The following BEND4 variants were observed in gnomAD, a reference collection of about 807,000 sequenced individuals.
BEND4 encodes the protein BEN domain-containing protein 4.
In BEND4, 27 loss-of-function variants were observed where a neutral mutation model predicts 54.7. The observed-to-expected ratio is 0.49, with a 90% CI of 0.36 to 0.68. The LOEUF (loss-of-function observed/expected upper bound fraction) is 0.68. Among genes scored for constraint, BEND4 ranks in the 30% least tolerant of loss-of-function variants. The pLI, the probability that BEND4 is intolerant of heterozygous loss-of-function variation, is 0.00. For missense variants in BEND4, 702 were observed against 697.2 expected (o/e 1.01, Z -0.08); for synonymous variants, 327 against 299.5 (o/e 1.09, Z -0.95).
At chr4:42,141,648 G>A (rs1005735137) in intron 3 of BEND4, among the ~76,000 whole-genome samples, 2 of 152,192 alleles carry the variant, frequency 1.3e-5, no homozygotes, top group African/African-American at 4.8e-5. Flanking sequence ...GGCTGAGGCA[G>A]GAGAATCGCT....
intron 3 of BEND4, among the ~76,000 whole-genome samples, chr4:42,140,236 T>A (rs958057562): frequency 6.6e-6 from 1 of 152,198 alleles, no homozygotes; most frequent in African/African-American, 2.4e-5. Flanking sequence ...TGATCAAGTT[T>A]TCATCTCCAA....
At chr4:42,125,765 A>C in intron 3 of BEND4, 91 bp from the exon 4 acceptor site, 1 of 798,048 alleles carries the variant, frequency 1.3e-6, no homozygotes, top group Non-Finnish European at 1.9e-6. Context: ...TTTTAAACAG[A>C]GGTCTTACTG....
At chr4:42,138,082 G>A (rs1318433347) in intron 3 of BEND4, among the ~76,000 whole-genome samples, 1 of 152,140 alleles carries the variant, frequency 6.6e-6, no homozygotes, top group East Asian at 1.9e-4. Flanking sequence ...ACTTCTCCTG[G>A]ACATATACCC....
At chr4:42,148,224 T>C (rs960872703) in intron 2 of BEND4, among the ~76,000 whole-genome samples, 1 of 152,204 alleles carries the variant, frequency 6.6e-6, no homozygotes, top group Admixed American at 6.5e-5. Context: ...ACCACCCTTG[T>C]CTTAAATCAA....
intron 3 of BEND4, among the ~76,000 whole-genome samples, chr4:42,137,704 A>G (rs929828897): frequency 6.6e-5 from 10 of 152,218 alleles, no homozygotes; most frequent in Non-Finnish European, 1.3e-4. Flanking sequence ...GTCTGAAAAA[A>G]AAATTTTGCA....
chr4:42,151,635 A>G (rs1369644617), intron 2 of BEND4, 22 bp downstream of exon 2: 3 of 1,426,210 alleles, frequency 2.1e-6, no homozygotes, highest in Non-Finnish European at 2.7e-6. Flanking sequence ...GCGGGAAGGA[A>G]AGTTGTGCGG....
intron 2 of BEND4, among the ~76,000 whole-genome samples, chr4:42,150,849 C>T (rs1203956243): frequency 6.6e-6 from 1 of 152,164 alleles, no homozygotes; most frequent in African/African-American, 2.4e-5. Context: ...CCGAGATGCT[C>T]GGGAGGGGCA....
intron 3 of BEND4, among the ~76,000 whole-genome samples, chr4:42,128,937 C>CA (rs35727213): frequency 2.8e-4 from 41 of 148,764 alleles, no homozygotes; most frequent in Middle Eastern, 6.8e-3. Flanking sequence ...CTCCATCTCC[C>CA]AAAAAAAAAG....
chr4:42,121,557 T>A (rs1720060352), intron 4 of BEND4, among the ~76,000 whole-genome samples: 1 of 152,190 alleles, frequency 6.6e-6, no homozygotes, highest in African/African-American at 2.4e-5. Context: ...TCTGTACAAC[T>A]GAAAGGAACT....
At chr4:42,130,479 CAAAAAA>C (rs55989085) in intron 3 of BEND4, among the ~76,000 whole-genome samples, 7 of 64,920 alleles carry the variant, frequency 1.1e-4, no homozygotes, top group South Asian at 6.1e-4. Flanking sequence ...GAGTCCGTCT[CAAAAAA>C]AAAAAAAAAA....
Position 42,152,243 on chromosome 4 carries a change from G to T in BEND4, c.-100C>A. The T allele has an allele frequency of 8.7e-7, 1 of 1,153,316 alleles. No homozygotes were observed. The highest frequency in any genetic ancestry group is 1.1e-6 in the Non-Finnish European group (1 of 917,776). 71.4% of individuals were successfully genotyped at this position (1,153,316 alleles called of 1,614,324 possible). ...GCCTGCCCGCCGGGTCTGCCCTGGT[G>T]CGCGCGTGTGGGAGGGTGTGTGTCT... On this transcript the variant is annotated 5_prime_UTR_variant, in exon 2 of 6. Coordinates refer to ENST00000502486, the MANE Select transcript of BEND4 (RefSeq NM_207406.4).
intron 2 of BEND4, among the ~76,000 whole-genome samples, chr4:42,148,732 C>T (rs1396466136): frequency 2.6e-5 from 4 of 152,148 alleles, no homozygotes; most frequent in Non-Finnish European, 4.4e-5. Context: ...AAGAGAATGA[C>T]CTATGCAATT....
At chr4:42,124,178 C>T (rs1720180790) in intron 4 of BEND4, among the ~76,000 whole-genome samples, 2 of 152,168 alleles carry the variant, frequency 1.3e-5, no homozygotes, top group Admixed American at 1.3e-4. Context: ...AACATAGTGA[C>T]ACCCCATCTC....
chr4:42,123,711 A>C lies in BEND4; in HGVS notation c.1146+1872T>G, dbSNP rs960075567. Among the ~76,000 whole-genome samples, 6 of 151,256 alleles carry C rather than the reference A, an allele frequency of 4.0e-5. No individual in the cohort carries two copies. The East Asian group carries it at 5.8e-4, about 15-fold the overall frequency. On this transcript the variant is annotated intron_variant, in intron 4 of 5. Coordinates refer to ENST00000502486, the MANE Select transcript of BEND4 (RefSeq NM_207406.4). ...GTAATTCAGAAAAAAAAAAAAAAAA[A>C]AAAAAACAACTTTCCAGGGTGGAGA...
chr4:42,118,207 GGT>G (rs1465038548), intron 5 of BEND4, among the ~76,000 whole-genome samples: 1 of 152,148 alleles, frequency 6.6e-6, no homozygotes, highest in Non-Finnish European at 1.5e-5. Context: ...TGACTGAGGA[GGT>G]GCCTAAGTGT....
chr4:42,110,987 G>A lies in BEND4; in HGVS notation c.*6531C>T, dbSNP rs778555408. Reference sequence around the variant, plus strand: ...TGCAATTTTATCCCCAACAGAACACGTGGCATTCTAGAGGTATATGAGGTA... The same window carrying A: ...TGCAATTTTATCCCCAACAGAACACATGGCATTCTAGAGGTATATGAGGTA... On this transcript the variant is annotated 3_prime_UTR_variant, in exon 6 of 6. Transcript: ENST00000502486. The A allele has an allele frequency of 2.0e-5, 3 of 152,128 alleles. No homozygotes were observed. Among genetic ancestry groups the A allele is most frequent in the South Asian group, 2.1e-4 (1 of 4,828 alleles). The allele number at this position is 152,128 out of a possible 1,614,324, so 9.4% of individuals were successfully genotyped here. A position where few individuals can be genotyped will look rare whatever the true frequency, so the allele number is the denominator to read the frequency against.
In BEND4 at chr4:42,113,140, C is replaced by A. The variant is rs1407153434; in HGVS notation, c.*4378G>T. 6.6e-6 allele frequency: 1 copy of A among 152,206 alleles called. No individual in the cohort carries two copies. The highest frequency in any genetic ancestry group is 2.4e-5 in the African/African-American group (1 of 41,440). 9.4% of individuals were successfully genotyped at this position (152,206 alleles called of 1,614,324 possible). On this transcript the variant is annotated 3_prime_UTR_variant, in exon 6 of 6. Coordinates refer to ENST00000502486, the MANE Select transcript of BEND4 (RefSeq NM_207406.4). ...TGTTGCCACATTAAACATACACCAG[C>A]AAGACTTGCACCATATGTGCAAAAT...
chr4:42,143,358 T>C (rs1475165610), intron 3 of BEND4, 70 bp downstream of exon 3: 5 of 1,328,010 alleles, frequency 3.8e-6, no homozygotes, highest in African/African-American at 2.9e-5. Context: ...AGTACAGAAA[T>C]ACACAGACAG....
At chr4:42,134,222 CTACT>C (rs1286646599) in intron 3 of BEND4, among the ~76,000 whole-genome samples, 2 of 152,200 alleles carry the variant, frequency 1.3e-5, no homozygotes, top group African/African-American at 4.8e-5. Context: ...CCTTCAAGCA[CTACT>C]TAATCTATCT....
Sources: allele counts gnomAD v4.1 joint callset (sites outside exome capture counted in the v4.1 genomes callset), GRCh38; gene constraint gnomAD v4.1.1; transcripts MANE v1.5; gene names NCBI Gene and HGNC (gene_info 2026-07-23, HGNC 2026-07-21).